The following ACTN4 variants were observed in gnomAD, a reference collection of about 807,000 sequenced individuals.
ACTN4 encodes actinin alpha 4.
Under a neutral mutation model 114.2 loss-of-function variants are expected in ACTN4, and 18 were observed. That is an observed-to-expected ratio of 0.16 (90% CI 0.11 to 0.23). ACTN4 has a LOEUF of 0.23. Among genes scored for constraint, ACTN4 ranks in the 10% least tolerant of loss-of-function variants. The probability of loss-of-function intolerance (pLI) is 1.00; values close to 1 mark genes in which losing one functional copy is unlikely to be tolerated. For missense variants in ACTN4, 722 were observed against 1,262.9 expected (o/e 0.57, Z 6.49); for synonymous variants, 515 against 506.3 (o/e 1.02, Z -0.23).
intron 1 of ACTN4, among the ~76,000 whole-genome samples, chr19:38,694,448 C>T (rs1423499989): frequency 1.3e-5 from 2 of 151,922 alleles, no homozygotes; most frequent in African/African-American, 4.8e-5. Context: ...TTAGTAGAGA[C>T]GAGGTTTCAC....
chr19:38,660,781 C>T (rs1461774734), intron 1 of ACTN4, among the ~76,000 whole-genome samples: 4 of 152,178 alleles, frequency 2.6e-5, no homozygotes, highest in African/African-American at 9.7e-5. Context: ...AGCCACTTGC[C>T]CCTGTGACAG....
At chr19:38,671,459 C>T (rs1967126445) in intron 1 of ACTN4, among the ~76,000 whole-genome samples, 1 of 152,140 alleles carries the variant, frequency 6.6e-6, no homozygotes, top group Admixed American at 6.5e-5. Context: ...GGCAGATGGA[C>T]AGAAATAGTT....
chr19:38,687,028 A>G (rs939241648), intron 1 of ACTN4, among the ~76,000 whole-genome samples: 9 of 151,360 alleles, frequency 5.9e-5, no homozygotes, highest in African/African-American at 2.2e-4. Context: ...CAGTGGCACA[A>G]TCTCGGCTCA....
chr19:38,715,530 G>A (rs1968811099), intron 9 of ACTN4, among the ~76,000 whole-genome samples: 1 of 152,100 alleles, frequency 6.6e-6, no homozygotes, highest in Admixed American at 6.6e-5. Flanking sequence ...TTCCCAAAGA[G>A]CAGTGGTTTG....
chr19:38,707,854 A>T (rs1290799748), intron 5 of ACTN4, among the ~76,000 whole-genome samples: 1 of 152,196 alleles, frequency 6.6e-6, no homozygotes, highest in Admixed American at 6.5e-5. Context: ...CACTATCCCC[A>T]TCATACAGAT....
In ACTN4 at chr19:38,717,769, G is replaced by T. The variant is rs1243983126; in HGVS notation, c.1144-158G>T. ...GAATTGATTGTACCTGCTGAGTGCTGGGGGGCCCTGTGTAGGCATCCAGGT... is the reference window on the plus strand; with the variant it reads ...GAATTGATTGTACCTGCTGAGTGCTTGGGGGCCCTGTGTAGGCATCCAGGT... On this transcript the variant is annotated intron_variant, in intron 10 of 20. Coordinates refer to ENST00000252699, the MANE Select transcript of ACTN4 (RefSeq NM_004924.6). This position sits in a 1 kb window ranked among gnomAD's most constrained non-coding sequence, Gnocchi z 4.0. 6.6e-6 allele frequency among the ~76,000 whole-genome samples: 1 copy of T among 152,166 alleles called. No individual in the cohort carries two copies. The highest frequency in any genetic ancestry group is 1.9e-4 in the East Asian group (1 of 5,198).
chr19:38,717,004 C>T lies in ACTN4; in HGVS notation c.913-82C>T, dbSNP rs1968863612. ...GTGGGGCCCTCAAAGATCCAGATCC[C>T]ATGTGCCCATAAGCTGGGGGGCAGC... On this transcript the variant is annotated intron_variant, in intron 9 of 20. Transcript: ENST00000252699. This position sits in a 1 kb window ranked among gnomAD's most constrained non-coding sequence, Gnocchi z 4.0. The T allele has an allele frequency of 2.1e-6, 3 of 1,434,326 alleles. No homozygotes were observed. The highest frequency in any genetic ancestry group is 1.8e-4 in the Middle Eastern group (1 of 5,644). The allele number at this position is 1,434,326 out of a possible 1,614,324, so 88.8% of individuals were successfully genotyped here. A position where few individuals can be genotyped will look rare whatever the true frequency, so the allele number is the denominator to read the frequency against.
At chr19:38,659,636 G>A (rs889366821) in intron 1 of ACTN4, among the ~76,000 whole-genome samples, 1 of 152,146 alleles carries the variant, frequency 6.6e-6, no homozygotes, top group Non-Finnish European at 1.5e-5. Context: ...TAATAAACAA[G>A]CACAAAGCAG....
intron 1 of ACTN4, among the ~76,000 whole-genome samples, chr19:38,664,421 G>A (rs766950274): frequency 8.5e-5 from 13 of 152,092 alleles, no homozygotes; most frequent in Non-Finnish European, 1.3e-4. Context: ...TTAGGGTAGC[G>A]GCGCTTGCCT....
chr19:38,695,534 C>T (rs1013228700), intron 1 of ACTN4, among the ~76,000 whole-genome samples: 1 of 152,188 alleles, frequency 6.6e-6, no homozygotes, highest in Non-Finnish European at 1.5e-5. Context: ...GGCTCTTCAC[C>T]CTGCTTTATT....
In ACTN4 at chr19:38,730,540, G is replaced by A. The variant is rs1568759503; in HGVS notation, c.*1108G>A. ...AATATTTTTAAGAAGGATTCCTGCAGCATCATCTTTTTTTATTTCTCCTGT... is the reference window on the plus strand; with the variant it reads ...AATATTTTTAAGAAGGATTCCTGCAACATCATCTTTTTTTATTTCTCCTGT... On this transcript the variant is annotated 3_prime_UTR_variant, in exon 21 of 21. Transcript: ENST00000252699. 8.8e-6 allele frequency: 4 copies of A among 455,216 alleles called. No homozygotes were observed. Among genetic ancestry groups the A allele is most frequent in the Non-Finnish European group, 1.2e-5 (3 of 252,998 alleles). The allele number at this position is 455,216 out of a possible 1,614,324, so 28.2% of individuals were successfully genotyped here.
intron 2 of ACTN4, 114 bp downstream of exon 2, chr19:38,700,828 A>G: frequency 7.4e-7 from 1 of 1,359,694 alleles, no homozygotes; most frequent in Non-Finnish European, 1.0e-6. Context: ...AGGAGAGGGC[A>G]CCCCTTAATA....
rs1555837009 is a variant in ACTN4 at position 38,717,919 on chromosome 19, T to C, written c.1144-8T>C. 1 of 1,589,478 alleles carries C rather than the reference T, an allele frequency of 6.3e-7. No homozygotes were observed. The highest frequency in any genetic ancestry group is 1.1e-5 in the South Asian group (1 of 87,452). On this transcript the variant is annotated splice_polypyrimidine_tract_variant and splice_region_variant and intron_variant, in intron 10 of 20. Transcript: ENST00000252699. This position sits in a 1 kb window ranked among gnomAD's most constrained non-coding sequence, Gnocchi z 4.0. The stretch of plus-strand genomic sequence containing the variant: ...GTGATAGCCCTGCCTGCTCCTGCCC[T>C]GCCCCAGGACATCAACAATGGCTGG...
chr19:38,672,238 C>CTTTTTTT (rs35567918), intron 1 of ACTN4, among the ~76,000 whole-genome samples: 5 of 113,744 alleles, frequency 4.4e-5, no homozygotes, highest in East Asian at 2.5e-4. Flanking sequence ...ACATGTGGTT[C>CTTTTTTT]TTTTTTTTTT....
chr19:38,697,088 C>T lies in ACTN4; in HGVS notation c.163-3512C>T, dbSNP rs959054632. 6.6e-5 allele frequency among the ~76,000 whole-genome samples: 10 copies of T among 152,004 alleles called. No homozygotes were observed. In the South Asian group the frequency reaches 1.0e-3, roughly 16 times the overall value. On this transcript the variant is annotated intron_variant, in intron 1 of 20. Transcript: ENST00000252699. ...CAGTGGCAGAAGCAAGATGTGAATC[C>T]GCACCTGTGTGATGCCCAAGCCAGA...
At chr19:38,669,104 A>T (rs1967055735) in intron 1 of ACTN4, among the ~76,000 whole-genome samples, 2 of 152,076 alleles carry the variant, frequency 1.3e-5, no homozygotes, top group African/African-American at 4.8e-5. Context: ...CTCCTACCTC[A>T]GCCTCCCAAC....
chr19:38,724,445 G>A lies in ACTN4; in HGVS notation c.1890G>A (p.Val630=). ...TCCTCTGCCAGGTGCAGCAGCTGGT[G>A]CCAAAACGGGACCATGCCCTCCTGG... The part of the protein sequence containing the change: ...NSKWEKVQQL[V]PKRDHALLEE... Residue 630 remains valine (V), a synonymous_variant, in exon 16 of 21, where the codon GTG becomes GTA. Coordinates refer to ENST00000252699, the MANE Select transcript of ACTN4 (RefSeq NM_004924.6). The surrounding 1 kb of genome is among the most constrained non-coding windows in gnomAD (Gnocchi z 7.0). 2 of 1,613,416 alleles carry A rather than the reference G, an allele frequency of 1.2e-6. No individual in the cohort carries two copies. The highest frequency in any genetic ancestry group is 1.7e-6 in the Non-Finnish European group (2 of 1,179,938).
intron 1 of ACTN4, among the ~76,000 whole-genome samples, chr19:38,692,247 T>C (rs1022554137): frequency 6.6e-6 from 1 of 152,240 alleles, no homozygotes; most frequent in Non-Finnish European, 1.5e-5. Flanking sequence ...GTGCACTTGC[T>C]TTGCCCCTGG....
At chr19:38,683,127 G>A (rs1013684219) in intron 1 of ACTN4, among the ~76,000 whole-genome samples, 14 of 152,242 alleles carry the variant, frequency 9.2e-5, no homozygotes, top group African/African-American at 3.4e-4. Flanking sequence ...AGAGCAGTGA[G>A]TCTCCCCCTT....
Sources: allele counts gnomAD v4.1 joint callset (sites outside exome capture counted in the v4.1 genomes callset), GRCh38; gene constraint gnomAD v4.1.1; non-coding constraint Gnocchi (gnomAD v3.1); transcripts MANE v1.5; gene names NCBI Gene and HGNC (gene_info 2026-07-23, HGNC 2026-07-21).